The following GPATCH2 variants were observed in gnomAD, a reference collection of about 807,000 sequenced individuals.
GPATCH2 encodes G patch domain-containing protein 2.
GPATCH2 carries 51 observed loss-of-function variants against 58.0 expected under a neutral mutation model. The observed-to-expected ratio is 0.88, with a 90% confidence interval of 0.70 to 1.11. The LOEUF is 1.11. GPATCH2 is among the 50% of genes most tolerant of loss of function. GPATCH2 has a pLI of 0.00. For synonymous variants in GPATCH2, 222 were observed against 218.5 expected, an observed-to-expected ratio of 1.02 and a Z score of -0.14; for missense variants, 625 against 652.2, an observed-to-expected ratio of 0.96 and a Z score of 0.45.
intron 8 of GPATCH2, among the ~76,000 whole-genome samples, chr1:217,451,012 G>A (rs1659641667): frequency 6.6e-6 from 1 of 152,086 alleles, no homozygotes; most frequent in African/African-American, 2.4e-5. Flanking sequence ...AGAGAAGATG[G>A]GAGATACAAA....
Position 217,626,858 on chromosome 1 carries a change from T to C in GPATCH2, c.56+4058A>G, listed in dbSNP as rs57285838. ...ATTTAAATTATTAATCAAAAGTAAA[T>C]TTTTTCTCTCTTTTTGAAAAAGGTA... On this transcript the variant is annotated intron_variant, in intron 1 of 9. Coordinates refer to ENST00000366935, the MANE Select transcript of GPATCH2 (RefSeq NM_018040.5). 6.2e-3 allele frequency among the ~76,000 whole-genome samples: 938 copies of C among 152,172 alleles called. 11 individuals are homozygous for C. The highest frequency in any genetic ancestry group is 0.022 in the African/African-American group (893 of 41,530).
At chr1:217,506,376 G>A (rs927070957) in intron 6 of GPATCH2, among the ~76,000 whole-genome samples, 1 of 151,926 alleles carries the variant, frequency 6.6e-6, no homozygotes, top group African/African-American at 2.4e-5. Flanking sequence ...GGAGGGAGGG[G>A]GACAAAGAAG....
At position 217,454,506 on chromosome 1, in the gene GPATCH2, G is replaced by A. The variant is rs887943716; in HGVS notation, c.1278-5169C>T. Among the ~76,000 whole-genome samples the A allele has an allele frequency of 2.2e-4, 32 of 143,806 alleles. 1 individual carries two copies. Among genetic ancestry groups the A allele is most frequent in the Admixed American group, 1.8e-3 (25 of 13,800 alleles). The allele number at this position is 143,806 out of a possible 152,430, so 94.3% of individuals were successfully genotyped here. On this transcript the variant is annotated intron_variant, in intron 8 of 9. Transcript: ENST00000366935. Reference sequence around the variant, plus strand: ...CGGGAGGCTGAGGCAGGAGAATGGCGTGAACCCGGAAGGCAGAGCTTGCAG... The same window carrying A: ...CGGGAGGCTGAGGCAGGAGAATGGCATGAACCCGGAAGGCAGAGCTTGCAG...
rs528943101 is a variant in GPATCH2, at chr1:217,616,181, A to G, written c.774-1979T>C. Reference sequence around the variant, plus strand: ...GTGATTTACATGAACTCTCTGAACTATCTTTACAACTTTTCTGTAAATTTA... The same window carrying G: ...GTGATTTACATGAACTCTCTGAACTGTCTTTACAACTTTTCTGTAAATTTA... On this transcript the variant is annotated intron_variant, in intron 2 of 9. Coordinates refer to ENST00000366935, the MANE Select transcript of GPATCH2 (RefSeq NM_018040.5). Among the ~76,000 whole-genome samples the G allele has an allele frequency of 3.2e-4, 49 of 152,288 alleles. 1 individual carries two copies. Among genetic ancestry groups the G allele is most frequent in the African/African-American group, 1.0e-3 (42 of 41,584 alleles).
intron 9 of GPATCH2, among the ~76,000 whole-genome samples, chr1:217,446,606 T>C (rs1659396256): frequency 6.6e-6 from 1 of 152,146 alleles, no homozygotes; most frequent in Non-Finnish European, 1.5e-5. Flanking sequence ...AAATAAGTGA[T>C]GCAATTCTCC....
intron 5 of GPATCH2, among the ~76,000 whole-genome samples, chr1:217,518,055 T>C (rs1266298641): frequency 1.3e-5 from 2 of 152,162 alleles, no homozygotes; most frequent in African/African-American, 2.4e-5. Flanking sequence ...TATTACTATA[T>C]AAATAACGAC....
At position 217,427,951 on chromosome 1, in the gene GPATCH2, G is replaced by A. The variant is rs554982911; in HGVS notation, c.*3194C>T. The A allele has an allele frequency of 2.0e-5, 3 of 152,256 alleles. No homozygotes were observed. In the East Asian group the frequency reaches 5.8e-4, roughly 29 times the overall value. 9.4% of individuals were successfully genotyped at this position (152,256 alleles called of 1,614,324 possible). Reference sequence around the variant, plus strand: ...CTTCTGTTTGATAGCCACAGTATGAGTTATAAAATATATGGTATTTAAATG... The same window carrying A: ...CTTCTGTTTGATAGCCACAGTATGAATTATAAAATATATGGTATTTAAATG... On this transcript the variant is annotated 3_prime_UTR_variant, in exon 10 of 10. Transcript: ENST00000366935.
chr1:217,543,515 C>T (rs894564693), intron 5 of GPATCH2, among the ~76,000 whole-genome samples: 1 of 151,942 alleles, frequency 6.6e-6, no homozygotes, highest in African/African-American at 2.4e-5. Flanking sequence ...GTGATCTGCC[C>T]GTCTCGGCCT....
chr1:217,484,177 T>C (rs1043272951), intron 8 of GPATCH2, among the ~76,000 whole-genome samples: 39 of 152,124 alleles, frequency 2.6e-4, no homozygotes, highest in African/African-American at 8.9e-4. Context: ...AACATTTGAA[T>C]TGGTAGACTG....
At chr1:217,446,342 T>TTATG (rs1232492536) in intron 9 of GPATCH2, among the ~76,000 whole-genome samples, 5 of 152,272 alleles carry the variant, frequency 3.3e-5, no homozygotes, top group South Asian at 2.1e-4. Context: ...TAACTCTTTA[T>TTATG]TATGTGACTG....
chr1:217,549,312 C>A (rs974040170), intron 5 of GPATCH2, among the ~76,000 whole-genome samples: 1 of 152,060 alleles, frequency 6.6e-6, no homozygotes, highest in East Asian at 1.9e-4. Flanking sequence ...ACTTATATTT[C>A]TCAGGATATA....
chr1:217,467,131 C>G (rs926120769), intron 8 of GPATCH2, among the ~76,000 whole-genome samples: 1 of 152,192 alleles, frequency 6.6e-6, no homozygotes, highest in Non-Finnish European at 1.5e-5. Flanking sequence ...GAGCCAAGAT[C>G]ATGCCACTGC....
At chr1:217,543,561 A>C (rs1664869314) in intron 5 of GPATCH2, among the ~76,000 whole-genome samples, 1 of 151,848 alleles carries the variant, frequency 6.6e-6, no homozygotes, top group Non-Finnish European at 1.5e-5. Context: ...GAGCCACCAC[A>C]CCTGGCCAGG....
intron 1 of GPATCH2, among the ~76,000 whole-genome samples, chr1:217,626,543 G>A (rs1669468245): frequency 1.3e-5 from 2 of 152,120 alleles, no homozygotes; most frequent in Admixed American, 6.5e-5. Flanking sequence ...GCCACATCAA[G>A]GCTAAATGAC....
At chr1:217,562,184 C>T (rs923210347) in intron 5 of GPATCH2, among the ~76,000 whole-genome samples, 1 of 152,138 alleles carries the variant, frequency 6.6e-6, no homozygotes, top group Non-Finnish European at 1.5e-5. Context: ...GAAATTAACA[C>T]GGAATGCCCC....
Position 217,610,872 on chromosome 1 carries a change from G to A in GPATCH2, c.1018+17C>T, listed in dbSNP as rs771584223. On this transcript the variant is annotated intron_variant, in intron 4 of 9. Transcript: ENST00000366935. ...CCTTAAACCCATTATATCTACCAGG[G>A]AGCCAGTGCTACTGACCTCTTCTGC... The A allele has an allele frequency of 1.3e-5, 20 of 1,570,936 alleles. No individual in the cohort carries two copies. Among genetic ancestry groups the A allele is most frequent in the Non-Finnish European group, 1.7e-5 (20 of 1,144,060 alleles).
chr1:217,630,839 A>G (rs1390384167), intron 1 of GPATCH2, 77 bp downstream of exon 1: 1 of 1,063,604 alleles, frequency 9.4e-7, no homozygotes. Context: ...TCCCGCCTCC[A>G]TTCCAGGTCC....
At chr1:217,626,037 C>T (rs549924086) in intron 1 of GPATCH2, among the ~76,000 whole-genome samples, 1 of 152,194 alleles carries the variant, frequency 6.6e-6, no homozygotes, top group Non-Finnish European at 1.5e-5. Flanking sequence ...TATTAGGTAT[C>T]TAATTAAGGA....
chr1:217,548,793 C>A (rs1665202893), intron 5 of GPATCH2, among the ~76,000 whole-genome samples: 1 of 152,146 alleles, frequency 6.6e-6, no homozygotes, highest in South Asian at 2.1e-4. Context: ...TGCTGGCACT[C>A]ATTCTCTCCC....
Sources: allele counts gnomAD v4.1 joint callset (sites outside exome capture counted in the v4.1 genomes callset), GRCh38; gene constraint gnomAD v4.1.1; transcripts MANE v1.5; gene names NCBI Gene and HGNC (gene_info 2026-07-23, HGNC 2026-07-21).